GKN2: variants seen among roughly 807,000 people sequenced by gnomAD.
GKN2 encodes gastrokine-2.
GKN2 carries 17 observed loss-of-function variants against 22.7 expected under a neutral mutation model. The observed-to-expected ratio is 0.75, with a 90% CI of 0.51 to 1.13. GKN2 has a LOEUF of 1.13. Ranked by LOEUF, GKN2 falls within the 50% of genes most tolerant of loss-of-function variation. The pLI is 0.00. For missense variants in GKN2, 248 were observed against 221.4 expected, an observed-to-expected ratio of 1.12 and a Z score of -0.76; for synonymous variants, 82 against 79.6, an observed-to-expected ratio of 1.03 and a Z score of -0.16.
At chr2:68,945,910 C>A in intron 5 of GKN2, 1 of 259,266 alleles carries the variant, frequency 3.9e-6, no homozygotes, top group Admixed American at 5.0e-5. Context: ...TATTCTAGAT[C>A]CTGAGAGCAT....
chr2:68,947,033 A>G, intron 4 of GKN2, 114 bp downstream of exon 4: 8 of 670,746 alleles, frequency 1.2e-5, no homozygotes, highest in Non-Finnish European at 2.2e-5. Context: ...TGAGTATCAC[A>G]TTTATGGTAA....
intron 1 of GKN2, among the ~76,000 whole-genome samples, chr2:68,952,102 A>C (rs1177117479): frequency 6.6e-6 from 1 of 152,226 alleles, no homozygotes; most frequent in Non-Finnish European, 1.5e-5. Flanking sequence ...AACATAGCCC[A>C]CTGTCCATGG....
intron 1 of GKN2, among the ~76,000 whole-genome samples, chr2:68,951,350 T>C (rs13390527): frequency 0.014 from 2,083 of 152,288 alleles, 53 homozygotes; most frequent in African/African-American, 0.047. Context: ...GCCTTAGTGA[T>C]ACTATCACAC....
At chr2:68,946,100 T>C (rs1218210713) in intron 5 of GKN2, 2 of 468,088 alleles carry the variant, frequency 4.3e-6, no homozygotes, top group Non-Finnish European at 7.5e-6. Flanking sequence ...CACTAGACTA[T>C]GTGTTCCCTG....
chr2:68,945,994 A>G (rs897345815), intron 5 of GKN2: 1 of 385,200 alleles, frequency 2.6e-6, no homozygotes. Context: ...TGCTACTTGA[A>G]ATTCTTACAT....
chr2:68,952,392 T>C (rs1197828097), intron 1 of GKN2, among the ~76,000 whole-genome samples: 2 of 152,176 alleles, frequency 1.3e-5, no homozygotes. Flanking sequence ...CATAGGGTTG[T>C]TGCAATGAAT....
chr2:68,948,073 G>A (rs917116730), intron 3 of GKN2, among the ~76,000 whole-genome samples: 10 of 151,632 alleles, frequency 6.6e-5, no homozygotes, highest in East Asian at 3.9e-4. Flanking sequence ...GTGAAACCCC[G>A]TCTCTACTAA....
Position 68,946,475 on chromosome 2 carries a change from C to A in GKN2, c.316-15G>T. 6.4e-7 allele frequency: 1 copy of A among 1,557,756 alleles called. No individual in the cohort carries two copies. The highest frequency in any genetic ancestry group is 8.6e-7 in the Non-Finnish European group (1 of 1,156,188). On this transcript the variant is annotated splice_polypyrimidine_tract_variant and intron_variant, in intron 4 of 5. Coordinates refer to ENST00000328895, the MANE Select transcript of GKN2 (RefSeq NM_182536.3). Reference sequence around the variant, plus strand: ...TTGTCCAGAGCCTAGATCGGTATAACAGAAAAGAACAACATAAAATAAATT... The same window carrying A: ...TTGTCCAGAGCCTAGATCGGTATAAAAGAAAAGAACAACATAAAATAAATT...
rs1220774557 is a variant in GKN2 at position 68,945,561 on chromosome 2, G to T, written c.473-111C>A. 1.5e-5 allele frequency: 12 copies of T among 781,774 alleles called. No homozygotes were observed. In the East Asian group the frequency reaches 2.7e-4, roughly 18 times the overall value. The allele number at this position is 781,774 out of a possible 1,614,324, so 48.4% of individuals were successfully genotyped here. ...AAACTGACAACTTTTGGAAGTGCTG[G>T]TTGGCTCAATCCCAGTGATATTATG... On this transcript the variant is annotated intron_variant, in intron 5 of 5. Coordinates refer to ENST00000328895, the MANE Select transcript of GKN2 (RefSeq NM_182536.3).
intron 3 of GKN2, 127 bp downstream of exon 3, chr2:68,949,998 TG>T: frequency 1.4e-6 from 1 of 695,138 alleles, no homozygotes; most frequent in East Asian, 3.1e-5. Flanking sequence ...AAAGTGAAAG[TG>T]AGGAATTCTT....
At chr2:68,949,993 G>T in intron 3 of GKN2, 133 bp downstream of exon 3, 1 of 672,822 alleles carries the variant, frequency 1.5e-6, no homozygotes, top group Non-Finnish European at 2.2e-6. Context: ...AGAGAAAAGT[G>T]AAAGTGAGGA....
intron 4 of GKN2, 50 bp from the exon 5 acceptor site, chr2:68,946,510 T>C (rs747108071): frequency 1.4e-6 from 2 of 1,455,100 alleles, no homozygotes; most frequent in Non-Finnish European, 1.8e-6. Context: ...TGACAAAAAT[T>C]GGTGTACCTT....
chr2:68,950,850 G>GA, intron 1 of GKN2, 95 bp from the exon 2 acceptor site: 2 of 1,235,798 alleles, frequency 1.6e-6, no homozygotes, highest in Non-Finnish European at 2.4e-6. Flanking sequence ...AGATATCTCA[G>GA]AAAATGTACA....
At chr2:68,947,640 G>C (rs1288893980) in intron 3 of GKN2, among the ~76,000 whole-genome samples, 1 of 151,982 alleles carries the variant, frequency 6.6e-6, no homozygotes, top group Non-Finnish European at 1.5e-5. Flanking sequence ...GCCCAGGCTG[G>C]AGTGCAGTGG....
intron 2 of GKN2, among the ~76,000 whole-genome samples, 167 bp downstream of exon 2, chr2:68,950,535 T>C (rs1669840718): frequency 6.6e-6 from 1 of 152,242 alleles, no homozygotes; most frequent in Admixed American, 6.5e-5. Flanking sequence ...GCAAAGGTAT[T>C]GTGGTTGGAG....
intron 5 of GKN2, chr2:68,946,075 A>G (rs1669760750): frequency 4.7e-6 from 2 of 426,590 alleles, no homozygotes; most frequent in African/African-American, 2.0e-5. Context: ...CTCTCTTTTC[A>G]CTTGTCAGCT....
Position 68,946,165 on chromosome 2 carries a change from G to A in GKN2, c.472+139C>T, listed in dbSNP as rs117733900. ...AAATTTAGCACAATTTACACACATGGCATGTAATTAATTCCCAAAGCAAAC... is the reference window on the plus strand; with the variant it reads ...AAATTTAGCACAATTTACACACATGACATGTAATTAATTCCCAAAGCAAAC... On this transcript the variant is annotated intron_variant, in intron 5 of 5. Transcript: ENST00000328895. 3.7e-4 allele frequency: 234 copies of A among 633,984 alleles called. 1 individual carries two copies. The East Asian group carries it at 5.6e-3, about 15-fold the overall frequency. 39.3% of individuals were successfully genotyped at this position (633,984 alleles called of 1,614,324 possible). A position where few individuals can be genotyped will look rare whatever the true frequency, so the allele number is the denominator to read the frequency against.
chr2:68,947,273 T>G lies in GKN2; in HGVS notation c.205-16A>C, dbSNP rs1669784923. ...CAATGTAGCCCTGAGGCAGCAAGAG[T>G]ACAGTTACTGTTCCTCCCTAGTTCC... On this transcript the variant is annotated splice_polypyrimidine_tract_variant and intron_variant, in intron 3 of 5. Transcript: ENST00000328895. 6.6e-7 allele frequency: 1 copy of G among 1,519,574 alleles called. No individual in the cohort carries two copies. Among genetic ancestry groups the G allele is most frequent in the Non-Finnish European group, 9.1e-7 (1 of 1,093,936 alleles). The allele number at this position is 1,519,574 out of a possible 1,614,324, so 94.1% of individuals were successfully genotyped here.
chr2:68,948,906 G>A (rs1669814760), intron 3 of GKN2, among the ~76,000 whole-genome samples: 1 of 152,128 alleles, frequency 6.6e-6, no homozygotes, highest in Admixed American at 6.5e-5. Context: ...ACAGTTTTGG[G>A]ATTTCCATGA....
Sources: allele counts gnomAD v4.1 joint callset (sites outside exome capture counted in the v4.1 genomes callset), GRCh38; gene constraint gnomAD v4.1.1; transcripts MANE v1.5; gene names NCBI Gene and HGNC (gene_info 2026-07-23, HGNC 2026-07-21).